Variants in CCDC82 observed in about 807,000 individuals in gnomAD.
CCDC82 encodes coiled-coil domain containing 82.
CCDC82 carries 47 observed loss-of-function variants against 60.6 expected under a neutral mutation model. That is an observed-to-expected ratio of 0.77 (90% CI 0.61 to 0.99). The LOEUF is 0.99. Ranked by LOEUF, CCDC82 falls within the 50% of genes least tolerant of loss-of-function variation. CCDC82 has a pLI of 0.00. For synonymous variants in CCDC82, 212 were observed against 207.4 expected, an observed-to-expected ratio of 1.02 and a Z score of -0.19; for missense variants, 588 against 633.0, an observed-to-expected ratio of 0.93 and a Z score of 0.76.
chr11:96,375,422 A>G lies in CCDC82; in HGVS notation c.992-1955T>C, dbSNP rs1591199340. On this transcript the variant is annotated intron_variant, in intron 5 of 9. Coordinates refer to ENST00000646818, the MANE Select transcript of CCDC82 (RefSeq NM_024725.4). Reference sequence around the variant, plus strand: ...AATGGATATCAGAATGTACTTCAAAAAAGTCAGGAAAAAGGCACCTATTTC... The same window carrying G: ...AATGGATATCAGAATGTACTTCAAAGAAGTCAGGAAAAAGGCACCTATTTC... 2.0e-5 allele frequency among the ~76,000 whole-genome samples: 3 copies of G among 152,228 alleles called. No individual in the cohort carries two copies. The South Asian group carries it at 6.2e-4, about 32-fold the overall frequency.
At chr11:96,368,221 C>A (rs569360410) in intron 7 of CCDC82, among the ~76,000 whole-genome samples, 4 of 152,300 alleles carry the variant, frequency 2.6e-5, no homozygotes, top group Admixed American at 2.0e-4. Context: ...TGATATTAAT[C>A]TCCTTGTAAA....
At position 96,353,905 on chromosome 11, in the gene CCDC82, T is replaced by C. The variant is rs372913210; in HGVS notation, c.1567-191A>G. The C allele has an allele frequency of 6.1e-4, 265 of 430,956 alleles. 1 individual carries two copies. The highest frequency in any genetic ancestry group is 4.9e-3 in the African/African-American group (242 of 49,382). 26.7% of individuals were successfully genotyped at this position (430,956 alleles called of 1,614,324 possible). The stretch of plus-strand genomic sequence containing the variant: ...CATATATAACTCATATATTTCCATA[T>C]AGAAAGCATTGGAAAGTGATCAAAG... On this transcript the variant is annotated intron_variant, in intron 9 of 9. Transcript: ENST00000646818.
At chr11:96,358,490 C>T (rs1254863331) in intron 9 of CCDC82, 2 of 1,231,280 alleles carry the variant, frequency 1.6e-6, no homozygotes, top group African/African-American at 3.1e-5. Flanking sequence ...CCTCGATCTT[C>T]AGTTACAGTG....
chr11:96,383,070 G>A (rs993339580), intron 5 of CCDC82, 199 bp downstream of exon 5: 18 of 544,192 alleles, frequency 3.3e-5, no homozygotes, highest in East Asian at 2.4e-4. Context: ...AAGTAAAGGC[G>A]TGTTGGGGTT....
At chr11:96,357,450 T>C in intron 9 of CCDC82, 1 of 984,920 alleles carries the variant, frequency 1.0e-6, no homozygotes. Flanking sequence ...CCTAAGCTCC[T>C]TTCTTTTCCT....
rs7110123 is a variant in CCDC82 at position 96,366,181 on chromosome 11, G to A, written c.1210-1031C>T. On this transcript the variant is annotated intron_variant, in intron 7 of 9. Transcript: ENST00000646818. ...TCGACCTCTATCAGCTCAGTTCCCT[G>A]AGTGACTACAGTCAGCAGAGCACCC... 1.9e-3 allele frequency among the ~76,000 whole-genome samples: 296 copies of A among 152,306 alleles called. 1 individual carries two copies. Among genetic ancestry groups the A allele is most frequent in the African/African-American group, 6.9e-3 (287 of 41,562 alleles).
chr11:96,353,147 TGAAG>T lies in CCDC82; in HGVS notation c.*495_*498del, dbSNP rs1298889213. The T allele has an allele frequency of 2.0e-5, 3 of 152,864 alleles. No homozygotes were observed. Among genetic ancestry groups the T allele is most frequent in the Non-Finnish European group, 4.4e-5 (3 of 68,532 alleles). The allele number at this position is 152,864 out of a possible 1,614,324, so 9.5% of individuals were successfully genotyped here. ...GAATAGATATGCTATGATCTGATTC[TGAAG>T]CAATGGGATTGAACTGAATGATATA... On this transcript the variant is annotated 3_prime_UTR_variant, in exon 10 of 10. Transcript: ENST00000646818.
chr11:96,364,930 A>C (rs1356879618), intron 8 of CCDC82, 50 bp downstream of exon 8: 1 of 1,504,178 alleles, frequency 6.6e-7, no homozygotes, highest in Non-Finnish European at 9.0e-7. Context: ...ATTATTTATG[A>C]AATAAAAATT....
intron 6 of CCDC82, among the ~76,000 whole-genome samples, chr11:96,372,464 C>A (rs560787386): frequency 1.9e-4 from 29 of 151,528 alleles, no homozygotes; most frequent in African/African-American, 6.8e-4. Flanking sequence ...ACTGTCACAT[C>A]CCCAGCCCTC....
intron 7 of CCDC82, among the ~76,000 whole-genome samples, chr11:96,369,220 C>T (rs1591184369): frequency 6.6e-6 from 1 of 152,182 alleles, no homozygotes; most frequent in African/African-American, 2.4e-5. Flanking sequence ...AAACATTCTC[C>T]ATGTCAGCAA....
In CCDC82 at chr11:96,384,218, A is replaced by C; in HGVS notation, c.530T>G (p.Ile177Ser). Residue 177 changes from isoleucine (I) to serine (S), a missense_variant, in exon 4 of 10, where the codon ATC becomes AGC. By Grantham distance (142) the Ile-to-Ser change is moderately radical. Transcript: ENST00000646818. ...IIEDDLEEED[I>S]KRGKRKRLSS... is the part of the protein sequence containing the mutation. ...TAGCCTTTTTCTTTTTCCTCGCTTG[A>C]TGTCTTCTTCTTCTAAATCATCCTC... 1 of 1,613,772 alleles carries C rather than the reference A, an allele frequency of 6.2e-7. No homozygotes were observed. Among genetic ancestry groups the C allele is most frequent in the South Asian group, 1.1e-5 (1 of 91,074 alleles).
intron 5 of CCDC82, among the ~76,000 whole-genome samples, chr11:96,380,303 A>G (rs966440632): frequency 5.3e-5 from 8 of 151,778 alleles, no homozygotes; most frequent in East Asian, 3.9e-4. Flanking sequence ...TTGAGGAAAA[A>G]GAGTTTGTAG....
At position 96,365,093 on chromosome 11, in the gene CCDC82, A is replaced by G; in HGVS notation, c.1267T>C (p.Ser423Pro). 6.2e-7 allele frequency: 1 copy of G among 1,606,618 alleles called. No homozygotes were observed. ...SIHLKNPENC[S>P]CQACGLHRYC... is the part of the protein sequence containing the mutation. ...CGATGCAGTCCACAAGCCTGGCAGGAACAGTTTTCAGGATTCTTCAAATGA... is the reference window on the plus strand; with the variant it reads ...CGATGCAGTCCACAAGCCTGGCAGGGACAGTTTTCAGGATTCTTCAAATGA... The change falls in exon 8 of 10, where the codon TCC becomes CCC. Residue 423 changes from serine to proline, a missense_variant. Physicochemically the swap from Ser to Pro is moderately conservative, Grantham distance 74 (BLOSUM62 -1). Transcript: ENST00000646818.
At chr11:96,362,272 G>A (rs1395579473) in intron 8 of CCDC82, among the ~76,000 whole-genome samples, 2 of 152,132 alleles carry the variant, frequency 1.3e-5, no homozygotes, top group African/African-American at 4.8e-5. Context: ...ATAGGCAGAG[G>A]AGCCAGCTCC....
At chr11:96,382,075 T>C (rs1366105182) in intron 5 of CCDC82, 1 of 151,768 alleles carries the variant, frequency 6.6e-6, no homozygotes, top group African/African-American at 2.4e-5. Flanking sequence ...CTCTATAGGA[T>C]GAAATGGAAA....
At chr11:96,380,267 AG>A (rs1401867694) in intron 5 of CCDC82, among the ~76,000 whole-genome samples, 1 of 151,758 alleles carries the variant, frequency 6.6e-6, no homozygotes, top group Non-Finnish European at 1.5e-5. Context: ...AACTCAAAGG[AG>A]GAAAGGCATG....
At chr11:96,366,588 G>T (rs143039932) in intron 7 of CCDC82, among the ~76,000 whole-genome samples, 1 of 152,276 alleles carries the variant, frequency 6.6e-6, no homozygotes, top group African/African-American at 2.4e-5. Context: ...CTCTAAAAGA[G>T]GGGAAATAAT....
In CCDC82 at chr11:96,384,007, TGA is replaced by T; in HGVS notation, c.739_740del (p.Ser247LysfsTer10). 1 of 1,613,426 alleles carries T rather than the reference TGA, an allele frequency of 6.2e-7. No homozygotes were observed. Among genetic ancestry groups the T allele is most frequent in the Non-Finnish European group, 8.5e-7 (1 of 1,179,626 alleles). ...TGCGTCTCTGACGAGATCTTTGTTTTGAGAGTTCTTTGAGCTTCTGAAGTTTT... is the reference window on the plus strand; with the variant it reads ...TGCGTCTCTGACGAGATCTTTGTTTTGAGTTCTTTGAGCTTCTGAAGTTTT... ...REKLQKLKEL[S>X]KQRSRQRRSS... On this transcript the variant is annotated frameshift_variant, in exon 4 of 10. Transcript: ENST00000646818. LOFTEE classifies it high-confidence loss of function.
intron 9 of CCDC82, 166 bp from the exon 10 acceptor site, chr11:96,353,880 CA>C: frequency 4.0e-6 from 2 of 502,816 alleles, no homozygotes; most frequent in Non-Finnish European, 7.0e-6. Context: ...ATTCCTAACT[CA>C]TATATAACTC....
Sources: allele counts gnomAD v4.1 joint callset (sites outside exome capture counted in the v4.1 genomes callset), GRCh38; gene constraint gnomAD v4.1.1; transcripts MANE v1.5; gene names NCBI Gene and HGNC (gene_info 2026-07-23, HGNC 2026-07-21).